The following HMCN1 variants were observed in gnomAD, a reference collection of about 807,000 sequenced individuals.
HMCN1 encodes hemicentin 1, also known as hemicentin-1.
A neutral mutation model predicts 625.9 loss-of-function variants in HMCN1; 321 were observed. The observed-to-expected ratio is 0.51, with a 90% confidence interval of 0.47 to 0.56. The LOEUF (loss-of-function observed/expected upper bound fraction) is 0.56. Among genes scored for constraint, HMCN1 ranks in the 20% least tolerant of loss-of-function variants. The pLI, the probability that HMCN1 is intolerant of heterozygous loss-of-function variation, is 0.00. For synonymous variants in HMCN1, 2,425 were observed against 2,417.6 expected (o/e 1.00, Z -0.09); for missense variants, 6,588 against 6,887.3 (o/e 0.96, Z 1.54).
intron 2 of HMCN1, among the ~76,000 whole-genome samples, chr1:185,854,681 A>T (rs1662355909): frequency 6.6e-6 from 1 of 152,166 alleles, no homozygotes; most frequent in South Asian, 2.1e-4. Context: ...GCTCTATCAT[A>T]TATGTAGTCA....
intron 105 of HMCN1, 45 bp downstream of exon 105, chr1:186,182,332 AC>A (rs1264394365): frequency 6.2e-7 from 1 of 1,610,796 alleles, no homozygotes; most frequent in Non-Finnish European, 8.5e-7. Context: ...TTGACTAAAA[AC>A]CAACAGAGAG....
Position 185,963,855 on chromosome 1 carries a change from A to G in HMCN1, c.2058A>G (p.Ser686=). The change falls in exon 13 of 107, where the codon TCA becomes TCG. Residue 686 remains serine (S), a synonymous_variant. Coordinates refer to ENST00000271588, the MANE Select transcript of HMCN1 (RefSeq NM_031935.3). ...AGIYGCLASN[S]AGTDKQNSTL... is the part of the protein sequence containing the mutation. ...TCTATGGTTGCCTAGCAAGTAATTC[A>G]GCTGGAACAGATAAACAGAATTCTA... The G allele has an allele frequency of 6.2e-7, 1 of 1,612,316 alleles. No homozygotes were observed. Among genetic ancestry groups the G allele is most frequent in the Non-Finnish European group, 8.5e-7 (1 of 1,178,604 alleles).
chr1:185,921,889 G>A (rs1490337142), intron 6 of HMCN1, among the ~76,000 whole-genome samples: 4 of 152,198 alleles, frequency 2.6e-5, no homozygotes, highest in Non-Finnish European at 5.9e-5. Context: ...GCTGAGCTGA[G>A]GATGCCAGGT....
chr1:185,864,343 T>G, intron 2 of HMCN1, 127 bp from the exon 3 acceptor site: 1 of 832,512 alleles, frequency 1.2e-6, no homozygotes, highest in Non-Finnish European at 2.0e-6. Flanking sequence ...TTGAACAAAG[T>G]GTCAAACTGA....
intron 52 of HMCN1, among the ~76,000 whole-genome samples, chr1:186,073,058 A>G (rs554578129): frequency 1.3e-5 from 2 of 152,272 alleles, no homozygotes; most frequent in South Asian, 4.1e-4. Flanking sequence ...GAGGTGTGGG[A>G]TGTGTAGGAA....
intron 34 of HMCN1, 142 bp from the exon 35 acceptor site, chr1:186,019,399 A>C: frequency 1.5e-6 from 1 of 674,394 alleles, no homozygotes; most frequent in Non-Finnish European, 2.6e-6. Context: ...TTAAATGCAC[A>C]TGATGAAAGT....
At chr1:185,799,536 G>T (rs950829685) in intron 1 of HMCN1, among the ~76,000 whole-genome samples, 1 of 152,128 alleles carries the variant, frequency 6.6e-6, no homozygotes, top group Non-Finnish European at 1.5e-5. Context: ...TGCAAGAATG[G>T]TGTAGACTCT....
At chr1:186,046,182 A>T (rs1250107417) in intron 41 of HMCN1, among the ~76,000 whole-genome samples, 1 of 152,110 alleles carries the variant, frequency 6.6e-6, no homozygotes, top group Non-Finnish European at 1.5e-5. Flanking sequence ...CTGGACAAAG[A>T]TGCAAAAAAG....
rs369941965 is a variant in HMCN1 at position 186,189,682 on chromosome 1, T to C, written c.16712T>C (p.Met5571Thr). 5.0e-6 allele frequency: 8 copies of C among 1,612,488 alleles called. No individual in the cohort carries two copies. The African/African-American group carries it at 9.4e-5, about 19-fold the overall frequency. The part of the protein sequence containing the change: ...GVMHPRTTFL[M>T]VDEEQTVPFA... ...ATGCATCCCAGGACAACTTTCCTCA[T>C]GGTAGATGAGGAACAGACTGTTCCT... is the stretch of plus-strand genomic sequence containing the variant. Residue 5571 changes from methionine to threonine, a missense_variant, in exon 107 of 107, where the codon ATG becomes ACG. Met to Thr is a moderately conservative substitution (Grantham distance 81, BLOSUM62 -1). Transcript: ENST00000271588.
At chr1:186,128,408 C>T (rs2102510851) in intron 83 of HMCN1, 117 bp downstream of exon 83, 1 of 822,566 alleles carries the variant, frequency 1.2e-6, no homozygotes, top group Non-Finnish European at 2.0e-6. Flanking sequence ...GCTTTAAATG[C>T]TGTAAAATGT....
intron 11 of HMCN1, among the ~76,000 whole-genome samples, chr1:185,960,621 T>G (rs984325031): frequency 1.3e-5 from 2 of 152,144 alleles, no homozygotes; most frequent in Non-Finnish European, 2.9e-5. Flanking sequence ...CTTTGATATC[T>G]GAAATACAGA....
Position 186,001,441 on chromosome 1 carries a change from A to G in HMCN1, c.4200+13A>G, listed in dbSNP as rs769715444. On this transcript the variant is annotated intron_variant, in intron 27 of 106. Coordinates refer to ENST00000271588, the MANE Select transcript of HMCN1 (RefSeq NM_031935.3). ...AGATAATGTCCAGGTAAATAGAGTC[A>G]TCCAAATACGTGTAATTCCTTGCCT... 1 of 1,612,322 alleles carries G rather than the reference A, an allele frequency of 6.2e-7. No individual in the cohort carries two copies. The highest frequency in any genetic ancestry group is 1.1e-5 in the South Asian group (1 of 91,036).
At position 186,187,863 on chromosome 1, in the gene HMCN1, G is replaced by T. The variant is rs1026173799; in HGVS notation, c.16415-20G>T. On this transcript the variant is annotated intron_variant, in intron 105 of 106. Transcript: ENST00000271588. ...CTCACCCTCACTGCTGATGCTGCATGTTCCCTGTGCTGTCCCTAGATATCG... is the reference window on the plus strand; with the variant it reads ...CTCACCCTCACTGCTGATGCTGCATTTTCCCTGTGCTGTCCCTAGATATCG... The T allele has an allele frequency of 1.2e-6, 2 of 1,613,486 alleles. No homozygotes were observed. The highest frequency in any genetic ancestry group is 2.2e-5 in the East Asian group (1 of 44,858).
In HMCN1 at chr1:186,128,299, A is replaced by G. The variant is rs1367914734; in HGVS notation, c.12904+8A>G. 6.2e-7 allele frequency: 1 copy of G among 1,607,028 alleles called. No homozygotes were observed. Among genetic ancestry groups the G allele is most frequent in the Non-Finnish European group, 8.5e-7 (1 of 1,174,642 alleles). On this transcript the variant is annotated splice_region_variant and intron_variant, in intron 83 of 106. Transcript: ENST00000271588. Reference sequence around the variant, plus strand: ...ATAACAATATTATTCCAGGTTGGTCATTTAATTCTCAAGAAGTGAATAAAT... The same window carrying G: ...ATAACAATATTATTCCAGGTTGGTCGTTTAATTCTCAAGAAGTGAATAAAT...
chr1:186,065,368 T>C lies in HMCN1; in HGVS notation c.7644T>C (p.Tyr2548=), dbSNP rs1031149238. Residue 2548 remains tyrosine (Y), a synonymous_variant, in exon 49 of 107, where the codon TAT becomes TAC. Transcript: ENST00000271588. The stretch of plus-strand genomic sequence containing the variant: ...TCCAGGTGCCACACACTGGAAGATA[T>C]ACATGTTTGGCTTCCAGTCCAGCTG... The part of the protein sequence containing the change: ...TNVQVPHTGR[Y]TCLASSPAGH... 49 of 1,611,688 alleles carry C rather than the reference T, an allele frequency of 3.0e-5. No homozygotes were observed. Among genetic ancestry groups the C allele is most frequent in the Non-Finnish European group, 3.9e-5 (46 of 1,179,622 alleles).
chr1:185,989,506 A>G lies in HMCN1; in HGVS notation c.3067A>G (p.Thr1023Ala), dbSNP rs1278104364. The change falls in exon 21 of 107, where the codon ACC (threonine) becomes GCC (alanine). Residue 1023 changes from threonine to alanine, a missense_variant. Thr to Ala is a moderately conservative substitution (Grantham distance 58). Around this residue, in one of 3 missense-constraint regions of HMCN1, gnomAD observed 4,628 missense variants for 4,853.1 expected, o/e 0.95. Coordinates refer to ENST00000271588, the MANE Select transcript of HMCN1 (RefSeq NM_031935.3). ...IWSKKGELIS[T>A]SSAKFSAGAD... ...TTTGCAGAAAGGAGAGCTGATTTCA[A>G]CCAGCAGTGCTAAGTTTTCAGCAGG... The G allele has an allele frequency of 6.2e-7, 1 of 1,613,900 alleles. No homozygotes were observed. Among genetic ancestry groups the G allele is most frequent in the Non-Finnish European group, 8.5e-7 (1 of 1,179,988 alleles).
At chr1:185,877,359 C>T (rs1196254373) in intron 4 of HMCN1, among the ~76,000 whole-genome samples, 4 of 123,762 alleles carry the variant, frequency 3.2e-5, no homozygotes, top group African/African-American at 1.2e-4. Context: ...TTTACCAGTA[C>T]CATGCTCGCC....
intron 93 of HMCN1, among the ~76,000 whole-genome samples, chr1:186,147,195 C>T (rs1160948875): frequency 1.3e-5 from 2 of 152,158 alleles, no homozygotes; most frequent in African/African-American, 4.8e-5. Flanking sequence ...TACTCTGTCC[C>T]CTACCCAGAA....
intron 71 of HMCN1, among the ~76,000 whole-genome samples, chr1:186,109,324 A>G (rs1312252523): frequency 6.6e-6 from 1 of 152,186 alleles, no homozygotes; most frequent in Admixed American, 6.5e-5. Flanking sequence ...CCACCAAACC[A>G]CACAAACACC....
Sources: allele counts gnomAD v4.1 joint callset (sites outside exome capture counted in the v4.1 genomes callset), GRCh38; gene constraint gnomAD v4.1.1; regional missense constraint gnomAD v4.1.1; transcripts MANE v1.5; gene names NCBI Gene and HGNC (gene_info 2026-07-23, HGNC 2026-07-21).